Variants in OPCML observed in about 807,000 individuals in gnomAD.
OPCML encodes the protein opioid-binding protein/cell adhesion molecule.
A neutral mutation model predicts 37.8 loss-of-function variants in OPCML; 13 were observed. The ratio of observed to expected loss-of-function variants is 0.34; its 90% CI spans 0.22 to 0.55. OPCML has a LOEUF of 0.55. Ranked by LOEUF, OPCML falls within the 20% of genes least tolerant of loss-of-function variation. The pLI, the probability that OPCML is intolerant of heterozygous loss-of-function variation, is 0.91. For synonymous variants in OPCML, 176 were observed against 168.8 expected (o/e 1.04, Z -0.33); for missense variants, 341 against 435.6 (o/e 0.78, Z 1.93).
At chr11:132,927,675 CA>C (rs1391261103) in intron 2 of OPCML, among the ~76,000 whole-genome samples, 1 of 151,760 alleles carries the variant, frequency 6.6e-6, no homozygotes, top group Non-Finnish European at 1.5e-5. Context: ...GGACACCTAC[CA>C]AAAAACCTGT....
At chr11:133,386,501 C>G (rs969918780) in intron 1 of OPCML, among the ~76,000 whole-genome samples, 1 of 152,188 alleles carries the variant, frequency 6.6e-6, no homozygotes, top group African/African-American at 2.4e-5. Context: ...GTCTCACAAG[C>G]GCTCCCCTCC....
intron 1 of OPCML, among the ~76,000 whole-genome samples, chr11:133,408,317 G>C (rs1015714601): frequency 3.9e-5 from 6 of 152,202 alleles, no homozygotes; most frequent in African/African-American, 1.4e-4. Context: ...CAATGGTGGT[G>C]AATTAAATCA....
At chr11:133,069,657 G>A (rs1241777953) in intron 1 of OPCML, among the ~76,000 whole-genome samples, 2 of 152,186 alleles carry the variant, frequency 1.3e-5, no homozygotes. Context: ...ATGTGTGTGT[G>A]CACAAGTTTC....
At chr11:133,070,260 G>T (rs1948503697) in intron 1 of OPCML, among the ~76,000 whole-genome samples, 1 of 152,128 alleles carries the variant, frequency 6.6e-6, no homozygotes, top group African/African-American at 2.4e-5. Context: ...ATAATAATTA[G>T]CTCTGCAGCA....
At chr11:133,400,061 C>T (rs962898929) in intron 1 of OPCML, among the ~76,000 whole-genome samples, 6 of 152,102 alleles carry the variant, frequency 3.9e-5, no homozygotes, top group African/African-American at 1.4e-4. Context: ...CTTTAGAATT[C>T]ATTCTCTCAA....
In OPCML at chr11:133,125,880, T is replaced by C. The variant is rs12221880; in HGVS notation, c.62-182870A>G. 5.4e-3 allele frequency among the ~76,000 whole-genome samples: 602 copies of C among 110,766 alleles called. 16 individuals carry two copies. The highest frequency in any genetic ancestry group is 0.021 in the African/African-American group (500 of 23,406). 72.7% of individuals were successfully genotyped at this position (110,766 alleles called of 152,430 possible). A position where few individuals can be genotyped will look rare whatever the true frequency, so the allele number is the denominator to read the frequency against. On this transcript the variant is annotated intron_variant, in intron 1 of 7. Coordinates refer to ENST00000524381, the MANE Select transcript of OPCML (RefSeq NM_001012393.5). Reference sequence around the variant, plus strand: ...ATATACACATGTATATATAGACACATGTATATAGTATATACACATGTATAT... The same window carrying C: ...ATATACACATGTATATATAGACACACGTATATAGTATATACACATGTATAT...
At chr11:132,742,355 C>T (rs1402270836) in intron 2 of OPCML, among the ~76,000 whole-genome samples, 1 of 152,166 alleles carries the variant, frequency 6.6e-6, no homozygotes, top group Non-Finnish European at 1.5e-5. Context: ...GATGGAGTTC[C>T]AGTGATGGTA....
chr11:132,641,070 C>T (rs1208868682), intron 3 of OPCML, among the ~76,000 whole-genome samples: 1 of 152,156 alleles, frequency 6.6e-6, no homozygotes, highest in Non-Finnish European at 1.5e-5. Flanking sequence ...CACCAGGGGC[C>T]TACACCTGCA....
At position 133,222,451 on chromosome 11, in the gene OPCML, C is replaced by T. The variant is rs557567861; in HGVS notation, c.62-279441G>A. Among the ~76,000 whole-genome samples, 3 of 152,270 alleles carry T rather than the reference C, an allele frequency of 2.0e-5. No individual in the cohort carries two copies. The East Asian group carries it at 5.8e-4, about 29-fold the overall frequency. ...AGGAAGGGGATGACACATGCTGTTC[C>T]TGTGGCCGCTCCTCACTGACGGGCT... On this transcript the variant is annotated intron_variant, in intron 1 of 7. Transcript: ENST00000524381.
intron 3 of OPCML, among the ~76,000 whole-genome samples, chr11:132,630,725 T>C (rs1456723931): frequency 6.6e-6 from 1 of 152,178 alleles, no homozygotes; most frequent in Non-Finnish European, 1.5e-5. Context: ...TAGTTTCTTA[T>C]AAACTTCACC....
intron 1 of OPCML, among the ~76,000 whole-genome samples, chr11:133,234,008 A>G (rs1324192221): frequency 6.6e-6 from 1 of 152,154 alleles, no homozygotes. Flanking sequence ...ATAATGTAAC[A>G]ATTGCAGAGC....
intron 2 of OPCML, among the ~76,000 whole-genome samples, chr11:132,730,594 A>G (rs1215769223): frequency 6.6e-6 from 1 of 152,228 alleles, no homozygotes; most frequent in African/African-American, 2.4e-5. Flanking sequence ...CAAAGGGACA[A>G]TTCTCTGTGG....
chr11:133,112,878 G>A (rs1360900474), intron 1 of OPCML, among the ~76,000 whole-genome samples: 3 of 151,966 alleles, frequency 2.0e-5, no homozygotes, highest in Admixed American at 6.6e-5. Flanking sequence ...CCTACCCTTT[G>A]GAGGCTTTCG....
At chr11:133,241,600 C>A (rs1472527143) in intron 1 of OPCML, among the ~76,000 whole-genome samples, 1 of 152,222 alleles carries the variant, frequency 6.6e-6, no homozygotes, top group African/African-American at 2.4e-5. Flanking sequence ...ACCTAACTAG[C>A]CTTCGCTCAC....
intron 1 of OPCML, among the ~76,000 whole-genome samples, chr11:133,104,196 T>C (rs1255769755): frequency 6.6e-6 from 1 of 152,226 alleles, no homozygotes; most frequent in Non-Finnish European, 1.5e-5. Flanking sequence ...CATAATGCTA[T>C]TCAGGGAGAA....
At chr11:133,014,198 AAACT>A (rs1001764239) in intron 1 of OPCML, among the ~76,000 whole-genome samples, 1 of 152,150 alleles carries the variant, frequency 6.6e-6, no homozygotes, top group African/African-American at 2.4e-5. Context: ...GCTTCTCTAA[AAACT>A]AACTGTTCTT....
In OPCML at chr11:132,553,064, G is replaced by A. The variant is rs560967547; in HGVS notation, c.380-23878C>T. ...CAGTCATGAGCCACTACGCGCAGCC[G>A]AATTAAACACTATTCTTCTTCTCCA... On this transcript the variant is annotated intron_variant, in intron 3 of 7. Coordinates refer to ENST00000524381, the MANE Select transcript of OPCML (RefSeq NM_001012393.5). 2.7e-3 allele frequency among the ~76,000 whole-genome samples: 407 copies of A among 152,186 alleles called. 4 individuals are homozygous for A. Among genetic ancestry groups the A allele is most frequent in the African/African-American group, 9.2e-3 (381 of 41,524 alleles).
intron 2 of OPCML, among the ~76,000 whole-genome samples, chr11:132,924,177 G>T (rs552672520): frequency 1.3e-5 from 2 of 151,916 alleles, no homozygotes; most frequent in South Asian, 4.2e-4. Flanking sequence ...AGAGAAAAGA[G>T]GAAGTAAAAA....
chr11:133,343,787 G>A lies in OPCML; in HGVS notation c.61+188477C>T, dbSNP rs542495840. ...AGAGGCCTGACACAGGGTGGCTTGT[G>A]GGTTTCTCCCTTCTCTTCTCCTGTA... On this transcript the variant is annotated intron_variant, in intron 1 of 7. Transcript: ENST00000524381. Among the ~76,000 whole-genome samples the A allele has an allele frequency of 2.0e-5, 3 of 152,208 alleles. No individual in the cohort carries two copies. The East Asian group carries it at 5.8e-4, about 29-fold the overall frequency.
Sources: gnomAD v4.1 joint callset for allele counts (sites outside exome capture counted in the v4.1 genomes callset) on GRCh38, gnomAD v4.1.1 for gene constraint, MANE v1.5 for transcripts, NCBI Gene and HGNC (gene_info 2026-07-23, HGNC 2026-07-21) for gene names.